The following DNAH12 variants were observed in gnomAD, a reference collection of about 807,000 sequenced individuals.
DNAH12 encodes the protein axonemal beta dynein heavy chain 12.
Under a neutral mutation model 371.5 loss-of-function variants are expected in DNAH12, and 285 were observed. The ratio of observed to expected loss-of-function variants is 0.77; its 90% CI spans 0.70 to 0.85. The LOEUF is 0.85. Among genes scored for constraint, DNAH12 ranks in the 40% least tolerant of loss-of-function variants. The pLI, the probability that DNAH12 is intolerant of heterozygous loss-of-function variation, is 0.00. For synonymous variants in DNAH12, 1,200 were observed against 1,213.0 expected, an observed-to-expected ratio of 0.99 and a Z score of 0.22; for missense variants, 3,611 against 3,689.4, an observed-to-expected ratio of 0.98 and a Z score of 0.55.
At chr3:57,349,644 C>A (rs545689434) in intron 60 of DNAH12, among the ~76,000 whole-genome samples, 6 of 152,212 alleles carry the variant, frequency 3.9e-5, no homozygotes, top group East Asian at 1.9e-4. Flanking sequence ...TAAAAAGGAA[C>A]AAAATAATGG....
intron 60 of DNAH12, among the ~76,000 whole-genome samples, chr3:57,351,036 C>G (rs111702381): frequency 1.3e-5 from 2 of 150,490 alleles, no homozygotes; most frequent in African/African-American, 4.9e-5. Context: ...TTTGGGAGGT[C>G]GAGGCAGGCA....
At chr3:57,494,205 C>A (rs1254311571) in intron 11 of DNAH12, among the ~76,000 whole-genome samples, 1 of 152,140 alleles carries the variant, frequency 6.6e-6, no homozygotes, top group Non-Finnish European at 1.5e-5. Context: ...GCACTCCAGT[C>A]TGGATAACAG....
intron 55 of DNAH12, among the ~76,000 whole-genome samples, chr3:57,371,831 GACT>G (rs2063177659): frequency 6.6e-6 from 1 of 150,488 alleles, no homozygotes; most frequent in Non-Finnish European, 1.5e-5. Flanking sequence ...CTTCTCATCA[GACT>G]ATGTAGGTCA....
chr3:57,529,067 T>C (rs1345560356), intron 2 of DNAH12, among the ~76,000 whole-genome samples: 1 of 152,150 alleles, frequency 6.6e-6, no homozygotes. Flanking sequence ...CCCACAGTGC[T>C]GGGATTACAG....
chr3:57,461,824 T>C lies in DNAH12; in HGVS notation c.2536-135A>G, dbSNP rs2066062985. 3 of 707,184 alleles carry C rather than the reference T, an allele frequency of 4.2e-6. No homozygotes were observed. The East Asian group carries it at 8.2e-5, about 19-fold the overall frequency. 43.8% of individuals were successfully genotyped at this position (707,184 alleles called of 1,614,324 possible). A position where few individuals can be genotyped will look rare whatever the true frequency, so the allele number is the denominator to read the frequency against. On this transcript the variant is annotated intron_variant, in intron 18 of 73. Transcript: ENST00000495027. ...TCCTTAAGATAATCTGTGAGTACAGTATAACTTTTTAAGTTAGAAGGTTTT... is the reference window on the plus strand; with the variant it reads ...TCCTTAAGATAATCTGTGAGTACAGCATAACTTTTTAAGTTAGAAGGTTTT...
intron 29 of DNAH12, among the ~76,000 whole-genome samples, chr3:57,441,293 C>T (rs2065297096): frequency 6.6e-6 from 1 of 151,994 alleles, no homozygotes; most frequent in Non-Finnish European, 1.5e-5. Context: ...GGCTTATCAG[C>T]AAACTGGACA....
intron 17 of DNAH12, among the ~76,000 whole-genome samples, chr3:57,468,385 G>A (rs1471828986): frequency 6.6e-6 from 1 of 152,142 alleles, no homozygotes; most frequent in East Asian, 1.9e-4. Flanking sequence ...CACTTTGGGA[G>A]GCCAAGGTGG....
intron 11 of DNAH12, chr3:57,498,559 A>G (rs1178228636): frequency 2.8e-6 from 2 of 716,960 alleles, no homozygotes; most frequent in South Asian, 3.0e-5. Context: ...AAATGAAAGC[A>G]TATGTCCGCA....
At chr3:57,436,882 C>G in intron 30 of DNAH12, 69 bp downstream of exon 30, 2 of 1,119,790 alleles carry the variant, frequency 1.8e-6, no homozygotes, top group South Asian at 3.8e-5. Flanking sequence ...GTCTTTGGTT[C>G]ATGGATTTTA....
intron 1 of DNAH12, among the ~76,000 whole-genome samples, chr3:57,543,315 GTTTTTTTTTTTT>G (rs5849214): frequency 1.4e-5 from 1 of 70,286 alleles, no homozygotes. Flanking sequence ...ATCATTAATG[GTTTTTTTTTTTT>G]TTTTTTTTTT....
Position 57,419,872 on chromosome 3 carries a change from CA to C in DNAH12, c.5563-355del, listed in dbSNP as rs574523434. Among the ~76,000 whole-genome samples the C allele has an allele frequency of 3.1e-4, 47 of 152,282 alleles. No individual in the cohort carries two copies. In the South Asian group the frequency reaches 8.9e-3, roughly 29 times the overall value. ...CACTCCAATATTCCCCAAATGCCTTCAAGATGTCCTTTTGCATACATTGAGT... is the reference window on the plus strand; with the variant it reads ...CACTCCAATATTCCCCAAATGCCTTCAGATGTCCTTTTGCATACATTGAGT... On this transcript the variant is annotated intron_variant, in intron 36 of 73. Transcript: ENST00000495027.
chr3:57,519,656 CT>C, intron 4 of DNAH12: 1 of 1,494,708 alleles, frequency 6.7e-7, no homozygotes, highest in Admixed American at 1.7e-5. Context: ...ACTAAGAAGC[CT>C]TCTAACCGCT....
intron 32 of DNAH12, 133 bp from the exon 33 acceptor site, chr3:57,429,907 C>A (rs2064904521): frequency 2.7e-6 from 2 of 735,582 alleles, no homozygotes; most frequent in South Asian, 4.8e-5. Context: ...GCCAGAAAAT[C>A]TTAATTCTAG....
chr3:57,463,890 C>T (rs2066126579), intron 17 of DNAH12, among the ~76,000 whole-genome samples: 1 of 151,904 alleles, frequency 6.6e-6, no homozygotes, highest in South Asian at 2.1e-4. Flanking sequence ...GCCTCAGCCT[C>T]CCAAGTAACT....
At chr3:57,428,314 A>G (rs1461112179) in intron 34 of DNAH12, 11 of 1,051,054 alleles carry the variant, frequency 1.0e-5, no homozygotes, top group Non-Finnish European at 1.4e-5. Flanking sequence ...TAAAATACTA[A>G]ATATTGAATA....
At chr3:57,487,323 AAG>A (rs2066957504) in intron 12 of DNAH12, among the ~76,000 whole-genome samples, 2 of 103,514 alleles carry the variant, frequency 1.9e-5, no homozygotes, top group Non-Finnish European at 3.8e-5. Context: ...GAGAGAGAGA[AAG>A]GGAGGGAGGG....
rs1387560653 is a variant in DNAH12, at chr3:57,425,036, G to A, written c.5359C>T (p.Arg1787Cys). 3 of 702,018 alleles carry A rather than the reference G, an allele frequency of 4.3e-6. No individual in the cohort carries two copies. Among genetic ancestry groups the A allele is most frequent in the Admixed American group, 2.0e-5 (1 of 49,826 alleles). 43.5% of individuals were successfully genotyped at this position (702,018 alleles called of 1,614,324 possible). A position where few individuals can be genotyped will look rare whatever the true frequency, so the allele number is the denominator to read the frequency against. ...ATAAAACCAACCATAATCCAAACAC[G>A]AATGTGCTTGCTAGTAGGATCATTT... ...VENDPTSKHI[R>C]VWIMACFIFS... is the part of the protein sequence containing the mutation. Residue 1787 changes from arginine (R) to cysteine (C), a missense_variant, in exon 35 of 74, where the codon CGT (arginine) becomes TGT (cysteine). By Grantham distance (180) the Arg-to-Cys change is radical. Coordinates refer to ENST00000495027, the MANE Select transcript of DNAH12 (RefSeq NM_001366028.2).
At position 57,428,761 on chromosome 3, in the gene DNAH12, G is replaced by A. The variant is rs1181218710; in HGVS notation, c.5125C>T (p.Pro1709Ser). 6.4e-7 allele frequency: 1 copy of A among 1,551,140 alleles called. No homozygotes were observed. Among genetic ancestry groups the A allele is most frequent in the Non-Finnish European group, 8.7e-7 (1 of 1,146,894 alleles). ...YLEPSQLGWE[P>S]LVSSWLNSLK... is the part of the protein sequence containing the mutation. The stretch of plus-strand genomic sequence containing the variant: ...GAATTCAACCAAGAAGACACAAGTG[G>A]TTCCCATCCTAACTGTGAAGGCTCC... Residue 1709 changes from proline to serine, a missense_variant, in exon 34 of 74, where the codon CCA becomes TCA. Coordinates refer to ENST00000495027, the MANE Select transcript of DNAH12 (RefSeq NM_001366028.2).
chr3:57,530,184 C>T (rs544702478), intron 2 of DNAH12, among the ~76,000 whole-genome samples: 1 of 152,056 alleles, frequency 6.6e-6, no homozygotes, highest in African/African-American at 2.4e-5. Context: ...TCACCATGCC[C>T]AGCCAGTAAT....
Sources: allele counts gnomAD v4.1 joint callset (sites outside exome capture counted in the v4.1 genomes callset), GRCh38; gene constraint gnomAD v4.1.1; transcripts MANE v1.5; gene names NCBI Gene and HGNC (gene_info 2026-07-23, HGNC 2026-07-21).